XG: variants seen among roughly 807,000 people sequenced by gnomAD.
XG encodes Xg glycoprotein (Xg blood group), also known as glycoprotein Xg.
Under a neutral mutation model 25.7 loss-of-function variants are expected in XG, and 24 were observed. That is an observed-to-expected ratio of 0.93 (90% confidence interval 0.68 to 1.31). XG has a LOEUF of 1.31. Among genes scored for constraint, XG ranks in the 40% most tolerant of loss-of-function variants. The probability of loss-of-function intolerance (pLI) is 0.00; values close to 1 mark genes in which losing one functional copy is unlikely to be tolerated. For missense variants in XG, 181 were observed against 187.6 expected (o/e 0.96, Z 0.21); for synonymous variants, 77 against 69.2 (o/e 1.11, Z -0.56).
At chrX:2,775,955 C>CA (rs1173774743) in intron 3 of XG, among the ~76,000 whole-genome samples, 43 of 122,146 alleles carry the variant, frequency 3.5e-4, no homozygotes, top group Middle Eastern at 4.0e-3. Flanking sequence ...GATTCCGTCT[C>CA]AAAAAAAAAA....
chrX:2,769,800 G>T (rs1328962788), intron 1 of XG, among the ~76,000 whole-genome samples: 1 of 152,184 alleles, frequency 6.6e-6, no homozygotes, highest in Non-Finnish European at 1.5e-5. Flanking sequence ...GTCCACACAG[G>T]TTGCTTCCTG....
At chrX:2,764,458 C>A (rs1206314103) in intron 1 of XG, among the ~76,000 whole-genome samples, 1 of 152,096 alleles carries the variant, frequency 6.6e-6, no homozygotes, top group Non-Finnish European at 1.5e-5. Flanking sequence ...TCACAAGAAC[C>A]ATTATCATAT....
chrX:2,768,329 G>A (rs753233979), intron 1 of XG, among the ~76,000 whole-genome samples: 3 of 152,272 alleles, frequency 2.0e-5, no homozygotes, highest in South Asian at 4.2e-4. Flanking sequence ...GTGCATAGCC[G>A]GGACGCTTAA....
Position 2,814,371 on chromosome X carries a change from A to G in XG, c.579A>G (p.Glu193=). The G allele has an allele frequency of 8.3e-7, 1 of 1,206,328 alleles. No individual in the cohort carries two copies. The highest frequency in any genetic ancestry group is 1.8e-5 in the South Asian group (1 of 55,476). ...RRNCFRTHEP[E]NV Reference sequence around the variant, plus strand: ...TTCTAATCTTCCTTTCAGAACCAGAAAATGTCTGAAGATGTTAAGATCCCC... The same window carrying G: ...TTCTAATCTTCCTTTCAGAACCAGAGAATGTCTGAAGATGTTAAGATCCCC... The change falls in exon 11 of 11, where the codon GAA becomes GAG. Residue 193 remains glutamate (E), a synonymous_variant. Coordinates refer to ENST00000644266, the MANE Select transcript of XG (RefSeq NM_001141919.2).
chrX:2,768,267 A>C (rs2050741773), intron 1 of XG, among the ~76,000 whole-genome samples: 1 of 152,186 alleles, frequency 6.6e-6, no homozygotes, highest in African/African-American at 2.4e-5. Context: ...TAACACAGTG[A>C]AAGATATTGG....
intron 1 of XG, among the ~76,000 whole-genome samples, chrX:2,757,470 T>G (rs1201212438): frequency 6.6e-6 from 1 of 151,718 alleles, no homozygotes; most frequent in Admixed American, 6.6e-5. Flanking sequence ...ACTTAAAATG[T>G]GTGTGCATTT....
At chrX:2,766,349 C>T (rs2050688209) in intron 1 of XG, among the ~76,000 whole-genome samples, 1 of 152,042 alleles carries the variant, frequency 6.6e-6, no homozygotes, top group Non-Finnish European at 1.5e-5. Context: ...CCATGTTGGC[C>T]AGGATGGTCT....
rs1488163011 is a variant in XG, at chrX:2,811,382, G to A, written c.501G>A (p.Val167=). The change falls in exon 10 of 11, where the codon GTG becomes GTA. Residue 167 remains valine, a synonymous_variant. Transcript: ENST00000644266. ...KIVSPIVSVV[V]VTLLGAAASY... ...TGTCTCCCATCGTATCCGTGGTGGT[G>A]GTGACACTGCTGGGAGCAGCAGCCA... 1 of 1,208,343 alleles carries A rather than the reference G, an allele frequency of 8.3e-7. No individual in the cohort carries two copies. Among genetic ancestry groups the A allele is most frequent in the Non-Finnish European group, 1.1e-6 (1 of 893,947 alleles).
intron 4 of XG, among the ~76,000 whole-genome samples, chrX:2,783,837 T>C (rs1408004912): frequency 1.8e-5 from 2 of 112,166 alleles, no homozygotes; most frequent in East Asian, 2.8e-4. Flanking sequence ...TAGCTGGGCA[T>C]GGTGGCATGC....
chrX:2,777,082 C>T (rs1314411723), intron 3 of XG, among the ~76,000 whole-genome samples: 1 of 152,040 alleles, frequency 6.6e-6, no homozygotes, highest in African/African-American at 2.4e-5. Context: ...GATGCTCTGC[C>T]ATAAGAAGAA....
intron 7 of XG, among the ~76,000 whole-genome samples, chrX:2,801,864 A>G (rs751866794): frequency 9.1e-5 from 10 of 110,015 alleles, no homozygotes; most frequent in South Asian, 7.9e-4. Flanking sequence ...GCCCGCCACC[A>G]CGCCTGGCAA....
intron 4 of XG, among the ~76,000 whole-genome samples, chrX:2,787,423 T>A (rs59808240): frequency 0.51 from 55,820 of 109,733 alleles, 11,832 homozygotes; most frequent in Middle Eastern, 0.69. Flanking sequence ...ATGAAGGCGT[T>A]TTGAGGGAGG....
chrX:2,801,644 T>C (rs1603457844), intron 7 of XG, among the ~76,000 whole-genome samples: 3 of 112,160 alleles, frequency 2.7e-5, no homozygotes, highest in African/African-American at 9.7e-5. Flanking sequence ...CCCTAGTTCC[T>C]GCCGGCATTC....
At chrX:2,762,123 A>T (rs1485701935) in intron 1 of XG, among the ~76,000 whole-genome samples, 1 of 152,208 alleles carries the variant, frequency 6.6e-6, no homozygotes, top group African/African-American at 2.4e-5. Flanking sequence ...ACCGTCAACC[A>T]GTGCCTCATT....
intron 3 of XG, among the ~76,000 whole-genome samples, chrX:2,778,948 GA>G (rs2051061166): frequency 6.6e-6 from 1 of 151,848 alleles, no homozygotes; most frequent in African/African-American, 2.4e-5. Context: ...TTTTTTAGTA[GA>G]GACGGGGTTT....
intron 8 of XG, among the ~76,000 whole-genome samples, chrX:2,807,560 G>A (rs1388585891): frequency 6.3e-5 from 7 of 111,546 alleles, no homozygotes; most frequent in Non-Finnish European, 1.3e-4. Flanking sequence ...GTATGTTTAG[G>A]CGAATTGTGC....
intron 1 of XG, among the ~76,000 whole-genome samples, chrX:2,763,874 G>A (rs1249056983): frequency 1.3e-5 from 2 of 152,182 alleles, no homozygotes; most frequent in East Asian, 1.9e-4. Flanking sequence ...GCACAGGGCC[G>A]GTGGACCTAA....
At chrX:2,770,738 C>A (rs1030045598) in intron 2 of XG, 147 bp downstream of exon 2, 4 of 894,548 alleles carry the variant, frequency 4.5e-6, no homozygotes, top group Non-Finnish European at 1.8e-6. Context: ...ATTGCAGACA[C>A]CTTGAGACAA....
At chrX:2,782,233 A>G (rs2086736762) in intron 4 of XG, 105 bp downstream of exon 4, 1 of 890,795 alleles carries the variant, frequency 1.1e-6, no homozygotes, top group African/African-American at 1.9e-5. Context: ...TATGTGTGTA[A>G]TAGCTCCCTT....
Sources: allele counts gnomAD v4.1 joint callset (sites outside exome capture counted in the v4.1 genomes callset), GRCh38; gene constraint gnomAD v4.1.1; transcripts MANE v1.5; gene names NCBI Gene and HGNC (gene_info 2026-07-23, HGNC 2026-07-21).